Variants in PPP2R3C observed in about 807,000 individuals in gnomAD.
PPP2R3C encodes the protein protein phosphatase 2 regulatory subunit B''gamma.
In PPP2R3C, 47 loss-of-function variants were observed where a neutral mutation model predicts 63.7. The ratio of observed to expected loss-of-function variants is 0.74; its 90% CI spans 0.58 to 0.94. The LOEUF is 0.94. Among genes scored for constraint, PPP2R3C ranks in the 40% least tolerant of loss-of-function variants. The pLI is 0.00. For synonymous variants in PPP2R3C, 180 were observed against 177.4 expected (o/e 1.01, Z -0.12); for missense variants, 421 against 518.4 (o/e 0.81, Z 1.82).
rs367672588 is a variant in PPP2R3C, at chr14:35,121,966, C to T, written c.-7G>A. On this transcript the variant is annotated 5_prime_UTR_variant, in exon 1 of 13. Transcript: ENST00000261475. ...GAACTTCTTTCCAGTCCATGGCCGACTTCCGCGCAGCAGCTTCTGCATTTG... is the reference window on the plus strand; with the variant it reads ...GAACTTCTTTCCAGTCCATGGCCGATTTCCGCGCAGCAGCTTCTGCATTTG... The T allele has an allele frequency of 1.1e-4, 172 of 1,614,070 alleles. No homozygotes were observed. Among genetic ancestry groups the T allele is most frequent in the Non-Finnish European group, 1.3e-4 (157 of 1,180,018 alleles).
At chr14:35,093,132 C>G (rs962327332) in intron 10 of PPP2R3C, among the ~76,000 whole-genome samples, 2 of 151,878 alleles carry the variant, frequency 1.3e-5, no homozygotes, top group African/African-American at 2.4e-5. Flanking sequence ...AGAATGGCGT[C>G]AACCCGGGAG....
chr14:35,085,696 G>A lies in PPP2R3C; in HGVS notation c.1256C>T (p.Thr419Ile), dbSNP rs755730516. The change falls in exon 13 of 13, where the codon ACA (threonine) becomes ATA (isoleucine). Residue 419 changes from threonine to isoleucine, a missense_variant. Physicochemically the swap from Thr to Ile is moderately conservative, Grantham distance 89. Transcript: ENST00000261475. ...CAAATCGATTAGAATGGTGGTTACT[G>A]TGTCTCCTTGATTACTGTTGATTAA... ...QDLINSNQGD[T>I]VTTILIDLNG... 2.5e-6 allele frequency: 4 copies of A among 1,612,204 alleles called. No individual in the cohort carries two copies. In the South Asian group the frequency reaches 4.4e-5, roughly 18 times the overall value.
chr14:35,118,422 C>G (rs985421785), intron 1 of PPP2R3C, among the ~76,000 whole-genome samples: 1 of 152,086 alleles, frequency 6.6e-6, no homozygotes, highest in South Asian at 2.1e-4. Context: ...GATGAAGGAA[C>G]CAGACTTACG....
chr14:35,108,096 T>G, intron 5 of PPP2R3C, 43 bp downstream of exon 5: 1 of 1,590,098 alleles, frequency 6.3e-7, no homozygotes, highest in East Asian at 2.3e-5. Context: ...AAAACCTACT[T>G]GATTCCCAGA....
intron 6 of PPP2R3C, among the ~76,000 whole-genome samples, chr14:35,105,838 G>C (rs559884732): frequency 2.0e-5 from 3 of 151,928 alleles, no homozygotes; most frequent in Admixed American, 6.6e-5. Flanking sequence ...ACATCTCCTT[G>C]TCTACTGTGT....
chr14:35,088,969 AT>A lies in PPP2R3C; in HGVS notation c.1114-960del, dbSNP rs1327150575. 6.6e-5 allele frequency among the ~76,000 whole-genome samples: 10 copies of A among 152,240 alleles called. 1 individual carries two copies. Among genetic ancestry groups the A allele is most frequent in the Non-Finnish European group, 1.5e-4 (10 of 68,042 alleles). ...TCTTTATGAAAAAGAGCAGTGTTTA[AT>A]TTCAAATACATTTATTTTCTTAAGA... On this transcript the variant is annotated intron_variant, in intron 11 of 12. Coordinates refer to ENST00000261475, the MANE Select transcript of PPP2R3C (RefSeq NM_017917.4).
chr14:35,087,281 A>G (rs1209456805), intron 12 of PPP2R3C: 1 of 152,210 alleles, frequency 6.6e-6, no homozygotes, highest in African/African-American at 2.4e-5. Flanking sequence ...ATTTGTAGCA[A>G]AATTACTAAA....
chr14:35,091,160 C>G lies in PPP2R3C; in HGVS notation c.1023G>C (p.Lys341Asn). Residue 341 changes from lysine to asparagine, a missense_variant, in exon 11 of 13, where the codon AAG (lysine) becomes AAC (asparagine). Around this residue, in one of 3 missense-constraint regions of PPP2R3C, gnomAD observed 231 missense variants for 264.8 expected, o/e 0.87. Coordinates refer to ENST00000261475, the MANE Select transcript of PPP2R3C (RefSeq NM_017917.4). ...LDFVLALENRKEPAALQYIFK... is the reference protein window; with the variant it reads ...LDFVLALENRNEPAALQYIFK... ...AAATATATTGTAGAGCTGCAGGTTC[C>G]TTTCTGTTTTCTAATGCAAGGACAA... The G allele has an allele frequency of 6.2e-7, 1 of 1,610,260 alleles. No individual in the cohort carries two copies. The highest frequency in any genetic ancestry group is 8.5e-7 in the Non-Finnish European group (1 of 1,177,864).
intron 6 of PPP2R3C, among the ~76,000 whole-genome samples, chr14:35,103,768 T>C (rs1019370542): frequency 2.6e-5 from 4 of 152,114 alleles, no homozygotes; most frequent in African/African-American, 7.2e-5. Context: ...TGCCCCCAAA[T>C]AAATGTCTAC....
intron 3 of PPP2R3C, 113 bp from the exon 4 acceptor site, chr14:35,110,044 T>A: frequency 1.4e-6 from 1 of 740,638 alleles, no homozygotes; most frequent in Non-Finnish European, 2.2e-6. Context: ...GAGTCAATAT[T>A]AAGATGAATC....
Position 35,096,597 on chromosome 14 carries a change from T to C in PPP2R3C, c.799A>G (p.Thr267Ala), listed in dbSNP as rs1268141062. The C allele has an allele frequency of 4.3e-6, 7 of 1,613,778 alleles. No homozygotes were observed. The highest frequency in any genetic ancestry group is 5.9e-6 in the Non-Finnish European group (7 of 1,179,894). ...GCAGAAGGAGCAGAAAACCAATTTG[T>C]TTCTTGACTCTCCTTGGACAGTTCC... ...DEELSKESQE[T>A]NWFSAPSALR... Residue 267 changes from threonine to alanine, a missense_variant, in exon 9 of 13, where the codon ACA becomes GCA. Thr to Ala is a moderately conservative substitution (Grantham distance 58). Transcript: ENST00000261475.
In PPP2R3C at chr14:35,109,846, A is replaced by T; in HGVS notation, c.377T>A (p.Val126Asp). 6.2e-7 allele frequency: 1 copy of T among 1,603,280 alleles called. No individual in the cohort carries two copies. ...AMINYENFLKVGEKAGAKCKQ... is the reference protein window; with the variant it reads ...AMINYENFLKDGEKAGAKCKQ... ...GCACTTTGCTCCAGCCTTTTCACCA[A>T]CCTTCAAAAAGTTTTCGTAATTGAT... The change falls in exon 4 of 13, where the codon GTT (valine) becomes GAT (aspartate). Residue 126 changes from valine (V) to aspartate (D), a missense_variant. Val to Asp is a radical substitution (Grantham distance 152). Transcript: ENST00000261475.
At chr14:35,120,675 G>T (rs1346899640) in intron 1 of PPP2R3C, among the ~76,000 whole-genome samples, 1 of 152,112 alleles carries the variant, frequency 6.6e-6, no homozygotes, top group South Asian at 2.1e-4. Flanking sequence ...GCCTGGGTGC[G>T]GCGGCTCACG....
chr14:35,097,174 C>T (rs1410743562), intron 7 of PPP2R3C, among the ~76,000 whole-genome samples: 3 of 151,822 alleles, frequency 2.0e-5, no homozygotes, highest in Non-Finnish European at 4.4e-5. Flanking sequence ...GAGATCAAGC[C>T]ATTGTACTAC....
At chr14:35,089,912 A>G (rs1291978970) in intron 11 of PPP2R3C, among the ~76,000 whole-genome samples, 11 of 151,506 alleles carry the variant, frequency 7.3e-5, no homozygotes, top group South Asian at 2.1e-4. Context: ...CGATCCGCCC[A>G]CCCTGGCCTC....
chr14:35,093,110 G>A (rs2045879311), intron 10 of PPP2R3C, among the ~76,000 whole-genome samples: 1 of 152,170 alleles, frequency 6.6e-6, no homozygotes, highest in South Asian at 2.1e-4. Context: ...CTACTCGGGA[G>A]GCTGAGGCAG....
intron 11 of PPP2R3C, among the ~76,000 whole-genome samples, chr14:35,089,915 C>G (rs1490703632): frequency 1.3e-5 from 2 of 152,072 alleles, no homozygotes; most frequent in African/African-American, 2.4e-5. Flanking sequence ...TCCGCCCACC[C>G]TGGCCTCCCA....
intron 6 of PPP2R3C, among the ~76,000 whole-genome samples, chr14:35,104,469 T>TTAATTA (rs2046287472): frequency 6.6e-6 from 1 of 152,210 alleles, no homozygotes; most frequent in Non-Finnish European, 1.5e-5. Flanking sequence ...TTTATATTCA[T>TTAATTA]GCCCAACTCC....
intron 5 of PPP2R3C, 57 bp from the exon 6 acceptor site, chr14:35,107,431 A>C: frequency 7.3e-7 from 1 of 1,369,572 alleles, no homozygotes; most frequent in Non-Finnish European, 1.0e-6. Flanking sequence ...CAGATATGAA[A>C]AAGGAGATAA....
Sources: allele counts gnomAD v4.1 joint callset (sites outside exome capture counted in the v4.1 genomes callset), GRCh38; gene constraint gnomAD v4.1.1; regional missense constraint gnomAD v4.1.1; transcripts MANE v1.5; gene names NCBI Gene and HGNC (gene_info 2026-07-23, HGNC 2026-07-21).